Variants in TRPC7 observed in about 807,000 individuals in gnomAD.
TRPC7 encodes the protein transient receptor potential cation channel subfamily C member 7, also known as short transient receptor potential channel 7.
A neutral mutation model predicts 90.1 loss-of-function variants in TRPC7; 42 were observed. That is an observed-to-expected ratio of 0.47 (90% CI 0.36 to 0.60). The LOEUF (loss-of-function observed/expected upper bound fraction) is 0.60. Among genes scored for constraint, TRPC7 ranks in the 20% least tolerant of loss-of-function variants. The pLI is 0.00. For synonymous variants in TRPC7, 451 were observed against 436.3 expected, an observed-to-expected ratio of 1.03 and a Z score of -0.42; for missense variants, 955 against 1,112.3, an observed-to-expected ratio of 0.86 and a Z score of 2.01.
chr5:136,244,222 T>C (rs1249669265), intron 7 of TRPC7, among the ~76,000 whole-genome samples: 1 of 151,902 alleles, frequency 6.6e-6, no homozygotes, highest in African/African-American at 2.4e-5. Flanking sequence ...TCTTTTTTCT[T>C]TAATGAGGTT....
Position 136,266,397 on chromosome 5 carries a change from C to T in TRPC7, c.1168G>A (p.Ala390Thr). 1 of 1,613,780 alleles carries T rather than the reference C, an allele frequency of 6.2e-7. No homozygotes were observed. The highest frequency in any genetic ancestry group is 8.5e-7 in the Non-Finnish European group (1 of 1,179,794). The change falls in exon 5 of 12, where the codon GCT becomes ACT. Residue 390 changes from alanine to threonine, a missense_variant. Physicochemically the swap from Ala to Thr is moderately conservative, Grantham distance 58. Transcript: ENST00000513104. Reference protein sequence around the residue: ...TLRSPFMKFVAHAVSFTIFLG... With the variant: ...TLRSPFMKFVTHAVSFTIFLG... Reference sequence around the variant, plus strand: ...AAGATTGTAAAAGAAACTGCATGAGCTACAAACTTCATGAAAGGGCTCCTC... The same window carrying T: ...AAGATTGTAAAAGAAACTGCATGAGTTACAAACTTCATGAAAGGGCTCCTC...
chr5:136,273,793 G>A (rs1757276009), intron 4 of TRPC7, among the ~76,000 whole-genome samples: 1 of 152,124 alleles, frequency 6.6e-6, no homozygotes, highest in Non-Finnish European at 1.5e-5. Flanking sequence ...TGCAGCTTTG[G>A]AACCTTTAGT....
chr5:136,308,883 A>G (rs887158621), intron 3 of TRPC7, among the ~76,000 whole-genome samples: 1 of 152,192 alleles, frequency 6.6e-6, no homozygotes, highest in African/African-American at 2.4e-5. Flanking sequence ...CCATAATACT[A>G]TACTGCTACC....
chr5:136,312,015 T>C (rs935946283), intron 3 of TRPC7, among the ~76,000 whole-genome samples: 2 of 152,190 alleles, frequency 1.3e-5, no homozygotes, highest in African/African-American at 4.8e-5. Flanking sequence ...TTATTCCAAC[T>C]TTCCTGATGA....
At chr5:136,336,864 A>G (rs1759681917) in intron 2 of TRPC7, among the ~76,000 whole-genome samples, 1 of 152,178 alleles carries the variant, frequency 6.6e-6, no homozygotes, top group Non-Finnish European at 1.5e-5. Flanking sequence ...AGGAAGGATT[A>G]TTAAGGGATT....
chr5:136,307,393 T>C (rs1215483208), intron 3 of TRPC7, among the ~76,000 whole-genome samples: 1 of 152,058 alleles, frequency 6.6e-6, no homozygotes, highest in Admixed American at 6.5e-5. Context: ...ATGTGGTATT[T>C]GTCTTTCTGA....
intron 11 of TRPC7, among the ~76,000 whole-genome samples, chr5:136,215,107 T>C (rs1351468186): frequency 1.3e-5 from 2 of 152,132 alleles, no homozygotes; most frequent in African/African-American, 4.8e-5. Flanking sequence ...TAACAGCTAG[T>C]TCTGAGGTGG....
intron 3 of TRPC7, among the ~76,000 whole-genome samples, chr5:136,312,331 A>G (rs1233730482): frequency 3.9e-5 from 6 of 152,128 alleles, no homozygotes; most frequent in Non-Finnish European, 8.8e-5. Context: ...CTCTGGGGAG[A>G]TAACAAAGGA....
rs147560806 is a variant in TRPC7 at position 136,288,774 on chromosome 5, C to A, written c.964-13937G>T. 3.0e-3 allele frequency among the ~76,000 whole-genome samples: 450 copies of A among 152,254 alleles called. 3 individuals are homozygous for A. The highest frequency in any genetic ancestry group is 9.8e-3 in the African/African-American group (408 of 41,548). The stretch of plus-strand genomic sequence containing the variant: ...AAATCTTTAACAACCATGTAAGGGA[C>A]CTTCAGGATATTTGTGCACCATCTG... On this transcript the variant is annotated intron_variant, in intron 3 of 11. Transcript: ENST00000513104.
chr5:136,344,055 A>G (rs1372116504), intron 2 of TRPC7, among the ~76,000 whole-genome samples: 1 of 152,178 alleles, frequency 6.6e-6, no homozygotes, highest in African/African-American at 2.4e-5. Flanking sequence ...TAGACTGGAT[A>G]AAGAAAATGT....
intron 2 of TRPC7, among the ~76,000 whole-genome samples, chr5:136,351,430 A>G (rs1203596509): frequency 1.3e-5 from 2 of 152,260 alleles, no homozygotes; most frequent in East Asian, 3.8e-4. Context: ...AAGGAAATGT[A>G]TAATATTTTT....
intron 10 of TRPC7, among the ~76,000 whole-genome samples, chr5:136,221,709 C>T (rs555292452): frequency 1.8e-4 from 27 of 152,280 alleles, no homozygotes; most frequent in Middle Eastern, 3.4e-3. Context: ...GTTTATCAGA[C>T]ACAACAATAG....
chr5:136,234,396 G>A (rs1447355499), intron 7 of TRPC7, among the ~76,000 whole-genome samples: 2 of 151,606 alleles, frequency 1.3e-5, no homozygotes, highest in Non-Finnish European at 2.9e-5. Flanking sequence ...GGCAACCTCC[G>A]CGTCCTGGGT....
At chr5:136,319,668 C>T (rs143141522) in intron 2 of TRPC7, among the ~76,000 whole-genome samples, 47 of 152,222 alleles carry the variant, frequency 3.1e-4, no homozygotes, top group Non-Finnish European at 6.0e-4. Context: ...TCATAAATCA[C>T]GTTCATGTTG....
Position 136,222,422 on chromosome 5 carries a change from C to G in TRPC7, c.2343+2852G>C, listed in dbSNP as rs560309858. On this transcript the variant is annotated intron_variant, in intron 10 of 11. Transcript: ENST00000513104. Reference sequence around the variant, plus strand: ...TGATGGAATATGTGCTCAGTGACAGCAGCTCTGCCTAGGGCCTGGATTGTA... The same window carrying G: ...TGATGGAATATGTGCTCAGTGACAGGAGCTCTGCCTAGGGCCTGGATTGTA... 2.0e-5 allele frequency among the ~76,000 whole-genome samples: 3 copies of G among 152,332 alleles called. 1 individual carries two copies. Among genetic ancestry groups the G allele is most frequent in the Middle Eastern group, 6.8e-3 (2 of 294 alleles).
chr5:136,278,031 C>G (rs2149816765), intron 3 of TRPC7, among the ~76,000 whole-genome samples: 1 of 152,278 alleles, frequency 6.6e-6, no homozygotes, highest in African/African-American at 2.4e-5. Flanking sequence ...ACATCTGTAA[C>G]TGAGATGGAC....
intron 10 of TRPC7, among the ~76,000 whole-genome samples, chr5:136,223,922 G>A (rs150870798): frequency 2.0e-5 from 3 of 152,274 alleles, no homozygotes; most frequent in East Asian, 1.9e-4. Flanking sequence ...TTTTGTGCGC[G>A]ATTAAACACA....
intron 4 of TRPC7, among the ~76,000 whole-genome samples, chr5:136,273,492 G>T (rs1757268082): frequency 2.0e-5 from 3 of 152,158 alleles, no homozygotes; most frequent in Non-Finnish European, 4.4e-5. Context: ...CCGGAAGAAG[G>T]ATTTGGGGAC....
At position 136,223,162 on chromosome 5, in the gene TRPC7, C is replaced by T. The variant is rs1448952077; in HGVS notation, c.2343+2112G>A. 2.0e-5 allele frequency among the ~76,000 whole-genome samples: 3 copies of T among 152,210 alleles called. No individual in the cohort carries two copies. The East Asian group carries it at 5.8e-4, about 29-fold the overall frequency. On this transcript the variant is annotated intron_variant, in intron 10 of 11. Coordinates refer to ENST00000513104, the MANE Select transcript of TRPC7 (RefSeq NM_020389.3). ...GCTTCTTCTGTGGAGTCACAAATTA[C>T]AAAATGAGCAAAGCTTTCCAAGGTC...
Sources: gnomAD v4.1 joint callset for allele counts (sites outside exome capture counted in the v4.1 genomes callset) on GRCh38, gnomAD v4.1.1 for gene constraint, MANE v1.5 for transcripts, NCBI Gene and HGNC (gene_info 2026-07-23, HGNC 2026-07-21) for gene names.